Variants in MAPK11 observed in about 807,000 individuals in gnomAD.
MAPK11 encodes mitogen-activated protein kinase 11.
In MAPK11, 44 loss-of-function variants were observed where a neutral mutation model predicts 52.2. The observed-to-expected ratio is 0.84, with a 90% CI of 0.66 to 1.08. The LOEUF (loss-of-function observed/expected upper bound fraction) is 1.08, where lower values mean the gene tolerates loss of function less well. Among genes scored for constraint, MAPK11 ranks in the 50% least tolerant of loss-of-function variants. The pLI, the probability that MAPK11 is intolerant of heterozygous loss-of-function variation, is 0.00. For synonymous variants in MAPK11, 233 were observed against 206.3 expected (o/e 1.13, Z -1.11); for missense variants, 436 against 494.7 (o/e 0.88, Z 1.13).
In MAPK11 at chr22:50,270,328, C is replaced by G. The variant is rs1307461803; in HGVS notation, c.-36G>C. 3 of 913,954 alleles carry G rather than the reference C, an allele frequency of 3.3e-6. No homozygotes were observed. The African/African-American group carries it at 5.4e-5, about 16-fold the overall frequency. The allele number at this position is 913,954 out of a possible 1,614,324, so 56.6% of individuals were successfully genotyped here. A position where few individuals can be genotyped will look rare whatever the true frequency, so the allele number is the denominator to read the frequency against. On this transcript the variant is annotated 5_prime_UTR_variant, in exon 1 of 12. Transcript: ENST00000330651. The surrounding 1 kb of genome is among the most constrained non-coding windows in gnomAD (Gnocchi z 6.3). ...GCCGCCGCTCCGCCCGGGCCCAGCC[C>G]CGCGCCCCGCGCCCGCGCCCGAGCC...
In MAPK11 at chr22:50,270,214, G is replaced by T. The variant is rs1176067096; in HGVS notation, c.79C>A (p.Leu27Met). 2.0e-6 allele frequency: 3 copies of T among 1,502,838 alleles called. No individual in the cohort carries two copies. Among genetic ancestry groups the T allele is most frequent in the East Asian group, 5.6e-5 (2 of 35,990 alleles). The allele number at this position is 1,502,838 out of a possible 1,614,324, so 93.1% of individuals were successfully genotyped here. ...TAGGCGCCGGAGCCCACCGGGCGCAGCCCCTGCAGCCGCTGCGGCACCTCC... is the reference window on the plus strand; with the variant it reads ...TAGGCGCCGGAGCCCACCGGGCGCATCCCCTGCAGCCGCTGCGGCACCTCC... ...VWEVPQRLQGLRPVGSGAYGS... is the reference protein window; with the variant it reads ...VWEVPQRLQGMRPVGSGAYGS... Residue 27 changes from leucine to methionine, a missense_variant, in exon 1 of 12, where the codon CTG becomes ATG. Transcript: ENST00000330651. The surrounding 1 kb of genome is among the most constrained non-coding windows in gnomAD (Gnocchi z 6.3).
chr22:50,267,858 GGTACGTTC>G lies in MAPK11; in HGVS notation c.200_207del (p.Arg67ThrfsTer94). The G allele has an allele frequency of 1.3e-6, 2 of 1,584,610 alleles. No homozygotes were observed. Among genetic ancestry groups the G allele is most frequent in the Non-Finnish European group, 1.7e-6 (2 of 1,168,430 alleles). On this transcript the variant is annotated frameshift_variant, in exon 2 of 12. Transcript: ENST00000330651. LOFTEE classifies it high-confidence loss of function. ...AGGTGCTTGAGCAGCCGCAGCTCCC[GGTACGTTC>G]TGCGCGCGTGGATCAGCGACTGGAA...
At chr22:50,269,793 G>A (rs1379741368) in intron 1 of MAPK11, among the ~76,000 whole-genome samples, 1 of 152,310 alleles carries the variant, frequency 6.6e-6, no homozygotes, top group Non-Finnish European at 1.5e-5. Flanking sequence ...CTAGACCCCG[G>A]GGGGCTGCCT....
chr22:50,265,204 ACACCTGAAC>A, intron 11 of MAPK11, 108 bp downstream of exon 11: 2 of 1,413,630 alleles, frequency 1.4e-6, no homozygotes, highest in Non-Finnish European at 2.0e-6. Context: ...CCTGTGCTGG[ACACCTGAAC>A]GCCCTTCCAC....
chr22:50,267,505 G>C (rs1308071234), intron 3 of MAPK11, 23 bp from the exon 4 acceptor site: 12 of 1,585,092 alleles, frequency 7.6e-6, no homozygotes, highest in Non-Finnish European at 8.6e-6. Flanking sequence ...CAGGGGGTCA[G>C]GACAGGGCCC....
At chr22:50,267,664 C>G in intron 2 of MAPK11, 37 bp from the exon 3 acceptor site, 2 of 1,506,898 alleles carry the variant, frequency 1.3e-6, no homozygotes, top group Non-Finnish European at 1.8e-6. Flanking sequence ...GGCGACGAAC[C>G]CCCGGCTGTC....
Position 50,265,506 on chromosome 22 carries a change from C to G in MAPK11, c.842-12G>C. 6.2e-7 allele frequency: 1 copy of G among 1,613,016 alleles called. No individual in the cohort carries two copies. Among genetic ancestry groups the G allele is most frequent in the Non-Finnish European group, 8.5e-7 (1 of 1,179,938 alleles). On this transcript the variant is annotated splice_polypyrimidine_tract_variant and intron_variant, in intron 10 of 11. Coordinates refer to ENST00000330651, the MANE Select transcript of MAPK11 (RefSeq NM_002751.7). ...AAGGAGGTCTATGGCTGCAGGGAAG[C>G]CAGTGGTGGGGAGGGGGGTCAGCTG...
At chr22:50,269,068 C>T (rs915389953) in intron 1 of MAPK11, among the ~76,000 whole-genome samples, 5 of 152,110 alleles carry the variant, frequency 3.3e-5, no homozygotes, top group Non-Finnish European at 7.4e-5. Context: ...CTCAGAGAAC[C>T]GGACACCTCT....
chr22:50,270,239 C>T lies in MAPK11; in HGVS notation c.54G>A (p.Trp18Ter). 2.0e-6 allele frequency: 3 copies of T among 1,509,448 alleles called. No homozygotes were observed. The highest frequency in any genetic ancestry group is 2.6e-6 in the Non-Finnish European group (3 of 1,134,762). The allele number at this position is 1,509,448 out of a possible 1,614,324, so 93.5% of individuals were successfully genotyped here. The stretch of plus-strand genomic sequence containing the variant: ...GCCCCTGCAGCCGCTGCGGCACCTC[C>T]CACACGGTCTTGTTCAGCTCCTGCC... ...FYRQELNKTVWEVPQRLQGLR... is the reference protein window; with the variant it reads ...FYRQELNKTV Residue 18 changes from tryptophan to a stop codon, truncating the protein, a stop_gained, in exon 1 of 12, where the codon TGG (tryptophan) becomes TGA (stop). Transcript: ENST00000330651. LOFTEE classifies it high-confidence loss of function. This position sits in a 1 kb window ranked among gnomAD's most constrained non-coding sequence, Gnocchi z 6.3.
chr22:50,270,112 A>G lies in MAPK11; in HGVS notation c.116+65T>C. 1 of 821,898 alleles carries G rather than the reference A, an allele frequency of 1.2e-6. No individual in the cohort carries two copies. The highest frequency in any genetic ancestry group is 2.7e-5 in the South Asian group (1 of 37,444). 50.9% of individuals were successfully genotyped at this position (821,898 alleles called of 1,614,324 possible). A position where few individuals can be genotyped will look rare whatever the true frequency, so the allele number is the denominator to read the frequency against. On this transcript the variant is annotated intron_variant, in intron 1 of 11. Transcript: ENST00000330651. This position sits in a 1 kb window ranked among gnomAD's most constrained non-coding sequence, Gnocchi z 6.3. ...CCACGCCGAGAACCTCGCGCGGGCG[A>G]GGAGGGGACGCGCTCTCCGGCCCGG...
In MAPK11 at chr22:50,267,806, C is replaced by G. The variant is rs767692412; in HGVS notation, c.246+14G>C. Reference sequence around the variant, plus strand: ...CCGCACGCGCCCTCCCCCCACGGCCCTCCCCCGGCTCACGTTCTCGTGCTT... The same window carrying G: ...CCGCACGCGCCCTCCCCCCACGGCCGTCCCCCGGCTCACGTTCTCGTGCTT... On this transcript the variant is annotated intron_variant, in intron 2 of 11. Coordinates refer to ENST00000330651, the MANE Select transcript of MAPK11 (RefSeq NM_002751.7). 6.5e-6 allele frequency: 10 copies of G among 1,528,926 alleles called. No homozygotes were observed. Among genetic ancestry groups the G allele is most frequent in the African/African-American group, 1.4e-5 (1 of 69,514 alleles). 94.7% of individuals were successfully genotyped at this position (1,528,926 alleles called of 1,614,324 possible). A position where few individuals can be genotyped will look rare whatever the true frequency, so the allele number is the denominator to read the frequency against.
intron 7 of MAPK11, 38 bp from the exon 8 acceptor site, chr22:50,266,649 C>T (rs1199024479): frequency 1.9e-6 from 3 of 1,558,786 alleles, no homozygotes; most frequent in South Asian, 1.2e-5. Context: ...AGTGTGCCCA[C>T]CCCACGTCCC....
chr22:50,266,126 T>C, intron 9 of MAPK11, 100 bp downstream of exon 9: 2 of 962,634 alleles, frequency 2.1e-6, no homozygotes, highest in Non-Finnish European at 1.5e-6. Context: ...ACATCCCATG[T>C]TCCCCATATG....
Position 50,265,570 on chromosome 22 carries a change from G to A in MAPK11, c.841+12C>T. 1.2e-6 allele frequency: 2 copies of A among 1,612,498 alleles called. No homozygotes were observed. Among genetic ancestry groups the A allele is most frequent in the Non-Finnish European group, 1.7e-6 (2 of 1,179,720 alleles). ...AGATATGGAGCCCAGTCTAGCCCAG[G>A]GCAGTCCTCACCCAGGGGGTTGGCT... On this transcript the variant is annotated intron_variant, in intron 10 of 11. Transcript: ENST00000330651.
intron 9 of MAPK11, 103 bp from the exon 10 acceptor site, chr22:50,265,763 A>C: frequency 1.4e-6 from 1 of 713,090 alleles, no homozygotes; most frequent in Non-Finnish European, 2.4e-6. Context: ...TCACTCCAAC[A>C]GGCCAGGACA....
At chr22:50,267,982 G>C (rs746415970) in intron 1 of MAPK11, 33 bp from the exon 2 acceptor site, 5 of 1,509,804 alleles carry the variant, frequency 3.3e-6, no homozygotes, top group Non-Finnish European at 4.4e-6. Flanking sequence ...GGCGCCGGGA[G>C]GGGTCCGAGG....
At position 50,267,856 on chromosome 22, in the gene MAPK11, C is replaced by G; in HGVS notation, c.210G>C (p.Arg70=). The change falls in exon 2 of 12, where the codon CGG becomes CGC. Residue 70 remains arginine, a synonymous_variant. Transcript: ENST00000330651. ...QSLIHARRTY[R]ELRLLKHLKH... is the part of the protein sequence containing the mutation. Reference sequence around the variant, plus strand: ...TCAGGTGCTTGAGCAGCCGCAGCTCCCGGTACGTTCTGCGCGCGTGGATCA... The same window carrying G: ...TCAGGTGCTTGAGCAGCCGCAGCTCGCGGTACGTTCTGCGCGCGTGGATCA... The G allele has an allele frequency of 1.9e-6, 3 of 1,584,726 alleles. No individual in the cohort carries two copies. Among genetic ancestry groups the G allele is most frequent in the Middle Eastern group, 3.4e-4 (2 of 5,962 alleles).
chr22:50,270,326 C>G lies in MAPK11; in HGVS notation c.-34G>C. 1.1e-6 allele frequency: 1 copy of G among 905,830 alleles called. No homozygotes were observed. The highest frequency in any genetic ancestry group is 1.4e-6 in the Non-Finnish European group (1 of 722,088). 56.1% of individuals were successfully genotyped at this position (905,830 alleles called of 1,614,324 possible). A position where few individuals can be genotyped will look rare whatever the true frequency, so the allele number is the denominator to read the frequency against. On this transcript the variant is annotated 5_prime_UTR_variant, in exon 1 of 12. Coordinates refer to ENST00000330651, the MANE Select transcript of MAPK11 (RefSeq NM_002751.7). This position sits in a 1 kb window ranked among gnomAD's most constrained non-coding sequence, Gnocchi z 6.3. ...CAGCCGCCGCTCCGCCCGGGCCCAG[C>G]CCCGCGCCCCGCGCCCGCGCCCGAG... is the stretch of plus-strand genomic sequence containing the variant.
chr22:50,267,382 G>T lies in MAPK11; in HGVS notation c.406C>A (p.Arg136Ser). 3 of 1,548,194 alleles carry T rather than the reference G, an allele frequency of 1.9e-6. No individual in the cohort carries two copies. Among genetic ancestry groups the T allele is most frequent in the Non-Finnish European group, 2.6e-6 (3 of 1,140,250 alleles). Residue 136 changes from arginine (R) to serine (S), a missense_variant, in exon 4 of 12, where the codon CGC becomes AGC. Arg to Ser is a moderately radical substitution (Grantham distance 110). Coordinates refer to ENST00000330651, the MANE Select transcript of MAPK11 (RefSeq NM_002751.7). ...CCAGGGCGCCCCACCTTCAGCCCGC[G>T]CAGCAGCTGGTAAACCAGGAATTGA... ...HVQFLVYQLL[R>S]GLKYIHSAGI...
Sources: allele counts gnomAD v4.1 joint callset (sites outside exome capture counted in the v4.1 genomes callset), GRCh38; gene constraint gnomAD v4.1.1; non-coding constraint Gnocchi (gnomAD v3.1); transcripts MANE v1.5; gene names NCBI Gene and HGNC (gene_info 2026-07-23, HGNC 2026-07-21).